Variants in PTTG1IP2 observed in about 807,000 individuals in gnomAD.
PTTG1IP2 encodes the protein PTTG1IP family member 2.
chr7:90,494,380 GATA>G lies in PTTG1IP2; in HGVS notation c.*3_*5del, dbSNP rs1487681413. ...CTCTTCTCATAGTATATGATGAATA[GATA>G]ATTGAAAAGAGATCCTCCAGAAAGA... On this transcript the variant is annotated 3_prime_UTR_variant, in exon 6 of 7. Coordinates refer to ENST00000509356, the MANE Select transcript of PTTG1IP2 (RefSeq NM_001365443.2). 3 of 152,152 alleles carry G rather than the reference GATA, an allele frequency of 2.0e-5. No individual in the cohort carries two copies. Among genetic ancestry groups the G allele is most frequent in the Admixed American group, 6.5e-5 (1 of 15,282 alleles). The allele number at this position is 152,152 out of a possible 1,614,324, so 9.4% of individuals were successfully genotyped here.
chr7:90,482,934 G>C (rs1302842191), intron 2 of PTTG1IP2, among the ~76,000 whole-genome samples: 1 of 152,096 alleles, frequency 6.6e-6, no homozygotes, highest in Admixed American at 6.6e-5. Flanking sequence ...CTATTGCACA[G>C]TTCATAGGAA....
intron 6 of PTTG1IP2, among the ~76,000 whole-genome samples, chr7:90,504,021 A>G (rs1399835732): frequency 1.4e-5 from 2 of 147,972 alleles, no homozygotes; most frequent in Non-Finnish European, 2.9e-5. Context: ...GGTGAAGTAG[A>G]AAAAAAGCAC....
intron 6 of PTTG1IP2, among the ~76,000 whole-genome samples, chr7:90,500,730 T>A (rs17865304): frequency 6.6e-6 from 1 of 152,172 alleles, no homozygotes; most frequent in Admixed American, 6.5e-5. Context: ...CATCATTAGA[T>A]GTGGGAGGCC....
At chr7:90,472,261 A>G (rs1797697922) in intron 1 of PTTG1IP2, among the ~76,000 whole-genome samples, 1 of 144,424 alleles carries the variant, frequency 6.9e-6, no homozygotes, top group African/African-American at 2.6e-5. Flanking sequence ...GAAATAAAGG[A>G]GTATACGATA....
chr7:90,505,307 CT>C (rs1271491617), intron 6 of PTTG1IP2, among the ~76,000 whole-genome samples: 1 of 152,180 alleles, frequency 6.6e-6, no homozygotes, highest in Non-Finnish European at 1.5e-5. Context: ...GCAGAGAAAG[CT>C]ATTGTTGGAC....
At chr7:90,505,698 G>GC (rs1271964542) in intron 6 of PTTG1IP2, among the ~76,000 whole-genome samples, 1 of 152,088 alleles carries the variant, frequency 6.6e-6, no homozygotes, top group African/African-American at 2.4e-5. Flanking sequence ...GAAAATGCCT[G>GC]TTTCGGCCGG....
rs1168603770 is a variant in PTTG1IP2 at position 90,498,065 on chromosome 7, G to GC, written c.*50+3638dup. Among the ~76,000 whole-genome samples, 7 of 149,992 alleles carry GC rather than the reference G, an allele frequency of 4.7e-5. No homozygotes were observed. The East Asian group carries it at 1.4e-3, about 30-fold the overall frequency. On this transcript the variant is annotated intron_variant, in intron 6 of 6. Coordinates refer to ENST00000509356, the MANE Select transcript of PTTG1IP2 (RefSeq NM_001365443.2). Reference sequence around the variant, plus strand: ...TTTTGAGATGGAGTCTCGCTCTGTTGCCCAGACTAGAGTGCAGTGGCACGA... The same window carrying GC: ...TTTTGAGATGGAGTCTCGCTCTGTTGCCCCAGACTAGAGTGCAGTGGCACGA...
intron 1 of PTTG1IP2, among the ~76,000 whole-genome samples, chr7:90,470,963 C>CAAAAAAAAAAAAAAA (rs5885726): frequency 9.2e-6 from 1 of 108,110 alleles, no homozygotes; most frequent in Non-Finnish European, 2.0e-5. Context: ...TGATGAAGAA[C>CAAAAAAAAAAAAAAA]AAAAAAAAAA....
intron 1 of PTTG1IP2, among the ~76,000 whole-genome samples, chr7:90,471,736 G>C (rs144207876): frequency 3.3e-4 from 50 of 152,274 alleles, no homozygotes; most frequent in African/African-American, 1.2e-3. Flanking sequence ...AGAGAAACAA[G>C]TTGAGGGGGT....
Position 90,483,614 on chromosome 7 carries a change from C to T in PTTG1IP2, c.193-3713C>T, listed in dbSNP as rs559518540. Reference sequence around the variant, plus strand: ...TCTGTGCTTATTCTACCATTGCTTCCGTATCACACAGTGTGATTTAATCCT... The same window carrying T: ...TCTGTGCTTATTCTACCATTGCTTCTGTATCACACAGTGTGATTTAATCCT... On this transcript the variant is annotated intron_variant, in intron 2 of 6. Transcript: ENST00000509356. Among the ~76,000 whole-genome samples, 30 of 152,218 alleles carry T rather than the reference C, an allele frequency of 2.0e-4. No individual in the cohort carries two copies. The East Asian group carries it at 2.3e-3, about 12-fold the overall frequency.
intron 2 of PTTG1IP2, among the ~76,000 whole-genome samples, chr7:90,485,452 T>A (rs1296194331): frequency 6.6e-6 from 1 of 152,138 alleles, no homozygotes; most frequent in African/African-American, 2.4e-5. Context: ...GTTAGCTATA[T>A]AATCAGTTAA....
chr7:90,506,197 A>C (rs10487118), intron 6 of PTTG1IP2, among the ~76,000 whole-genome samples: 21,374 of 151,896 alleles, frequency 0.14, 1,820 homozygotes, highest in Middle Eastern at 0.24. Flanking sequence ...TTGCTTGGGA[A>C]GATTTTGGTT....
At chr7:90,499,150 C>A (rs1294947003) in intron 6 of PTTG1IP2, among the ~76,000 whole-genome samples, 2 of 152,104 alleles carry the variant, frequency 1.3e-5, no homozygotes, top group Non-Finnish European at 2.9e-5. Flanking sequence ...CTGCACATGG[C>A]CCTTTTTAAC....
At chr7:90,479,015 G>A (rs1229747500) in intron 1 of PTTG1IP2, among the ~76,000 whole-genome samples, 1 of 152,000 alleles carries the variant, frequency 6.6e-6, no homozygotes, top group Non-Finnish European at 1.5e-5. Context: ...GCTATTTCAT[G>A]TTTTTCCAAG....
At chr7:90,478,215 AAACTT>A (rs1393540722) in intron 1 of PTTG1IP2, among the ~76,000 whole-genome samples, 1 of 152,176 alleles carries the variant, frequency 6.6e-6, no homozygotes, top group Non-Finnish European at 1.5e-5. Flanking sequence ...ACAAAAATAA[AAACTT>A]TAGTTTACAA....
Position 90,512,467 on chromosome 7 carries a change from G to T in PTTG1IP2, c.*51-811G>T, listed in dbSNP as rs367963372. Among the ~76,000 whole-genome samples the T allele has an allele frequency of 3.1e-4, 47 of 152,290 alleles. 2 individuals carry two copies. In the South Asian group the frequency reaches 9.5e-3, roughly 31 times the overall value. On this transcript the variant is annotated intron_variant, in intron 6 of 6. Transcript: ENST00000509356. ...AGACAAGTGGGAGAAGGGACGAACC[G>T]GGTGGAGGCTCCAAGGAGAGACAGA...
At chr7:90,497,048 G>C (rs547869468) in intron 6 of PTTG1IP2, among the ~76,000 whole-genome samples, 13 of 152,236 alleles carry the variant, frequency 8.5e-5, no homozygotes, top group Middle Eastern at 3.4e-3. Flanking sequence ...GGTCAGAAAA[G>C]ATACCTGATA....
intron 6 of PTTG1IP2, among the ~76,000 whole-genome samples, chr7:90,509,152 A>C (rs1316070699): frequency 2.7e-5 from 4 of 149,270 alleles, no homozygotes; most frequent in African/African-American, 9.9e-5. Context: ...CAGCATAATC[A>C]GATTTGTAAG....
intron 1 of PTTG1IP2, among the ~76,000 whole-genome samples, chr7:90,474,312 T>C (rs758144478): frequency 1.3e-5 from 2 of 152,194 alleles, no homozygotes; most frequent in Non-Finnish European, 2.9e-5. Context: ...GACCAAGATA[T>C]AGTTATGCAG....
Sources: gnomAD v4.1 joint callset for allele counts (sites outside exome capture counted in the v4.1 genomes callset) on GRCh38, gnomAD v4.1.1 for gene constraint, MANE v1.5 for transcripts, NCBI Gene and HGNC (gene_info 2026-07-23, HGNC 2026-07-21) for gene names.